Variants in ZIM3 observed in about 807,000 individuals in gnomAD.
The protein encoded by ZIM3 is zinc finger imprinted 3.
ZIM3 carries 11 observed loss-of-function variants against 12.9 expected under a neutral mutation model. The observed-to-expected ratio is 0.85, with a 90% CI of 0.54 to 1.41. The LOEUF (loss-of-function observed/expected upper bound fraction) is 1.41, where lower values mean the gene tolerates loss of function less well. Ranked by LOEUF, ZIM3 falls within the 40% of genes most tolerant of loss-of-function variation. The probability of loss-of-function intolerance (pLI) is 0.00; values close to 1 mark genes in which losing one functional copy is unlikely to be tolerated. For missense variants in ZIM3, 604 were observed against 557.2 expected, an observed-to-expected ratio of 1.08 and a Z score of -0.85; for synonymous variants, 205 against 198.5, an observed-to-expected ratio of 1.03 and a Z score of -0.28.
Position 57,135,483 on chromosome 19 carries a change from T to C in ZIM3, c.854A>G (p.Glu285Gly). 6.2e-7 allele frequency: 1 copy of C among 1,614,160 alleles called. No homozygotes were observed. The highest frequency in any genetic ancestry group is 8.5e-7 in the Non-Finnish European group (1 of 1,180,028). Residue 285 changes from glutamate (E) to glycine (G), a missense_variant, in exon 5 of 5, where the codon GAG becomes GGG. Glu to Gly is a moderately conservative substitution (Grantham distance 98). Coordinates refer to ENST00000269834, the MANE Select transcript of ZIM3 (RefSeq NM_052882.1). ...AKKSYQCNECEKSFRQNSTLI... is the reference protein window; with the variant it reads ...AKKSYQCNECGKSFRQNSTLI... ...GGTTGAGTTCTGCCTGAAGGATTTC[T>C]CACATTCATTACACTGATAGGATTT...
chr19:57,143,469 A>G (rs1464321410), intron 1 of ZIM3, among the ~76,000 whole-genome samples: 1 of 152,110 alleles, frequency 6.6e-6, no homozygotes, highest in Non-Finnish European at 1.5e-5. Flanking sequence ...GAAACCATGA[A>G]TCCTGAAGCA....
intron 2 of ZIM3, among the ~76,000 whole-genome samples, 200 bp downstream of exon 2, chr19:57,142,429 C>T (rs2086917743): frequency 6.6e-6 from 1 of 151,980 alleles, no homozygotes; most frequent in South Asian, 2.1e-4. Flanking sequence ...GTGTGAGCCA[C>T]CATGCCCAGC....
intron 3 of ZIM3, among the ~76,000 whole-genome samples, chr19:57,137,614 A>G (rs1341326406): frequency 1.3e-5 from 2 of 151,676 alleles, no homozygotes; most frequent in Non-Finnish European, 2.9e-5. Flanking sequence ...TCGGGAGGCT[A>G]AGGCAGGAAA....
intron 4 of ZIM3, 81 bp from the exon 5 acceptor site, chr19:57,136,176 G>T (rs1452161437): frequency 5.3e-6 from 7 of 1,310,956 alleles, no homozygotes; most frequent in Non-Finnish European, 7.4e-6. Flanking sequence ...ACAATCTATT[G>T]TGGTGATTAT....
chr19:57,138,250 G>A (rs1244592946), intron 3 of ZIM3, among the ~76,000 whole-genome samples: 2 of 152,206 alleles, frequency 1.3e-5, no homozygotes, highest in African/African-American at 2.4e-5. Context: ...AAAACTTACA[G>A]AGGCCCTCAC....
At chr19:57,137,690 G>A (rs1425149572) in intron 3 of ZIM3, among the ~76,000 whole-genome samples, 1 of 147,320 alleles carries the variant, frequency 6.8e-6, no homozygotes, top group African/African-American at 2.7e-5. Flanking sequence ...TCCAGCCTGG[G>A]TGACAGAGCG....
intron 1 of ZIM3, among the ~76,000 whole-genome samples, chr19:57,143,383 C>CT (rs2086923778): frequency 6.6e-6 from 1 of 151,636 alleles, no homozygotes; most frequent in Non-Finnish European, 1.5e-5. Flanking sequence ...TCAACAGCAC[C>CT]TTTAAAACAA....
intron 2 of ZIM3, among the ~76,000 whole-genome samples, chr19:57,140,388 T>C (rs980058773): frequency 2.0e-5 from 3 of 152,016 alleles, no homozygotes; most frequent in African/African-American, 7.2e-5. Context: ...GTTGGCCAGG[T>C]TGGTCTCAAA....
rs118061825 is a variant in ZIM3, at chr19:57,144,659, C to T, written c.-43+200G>A. ...AGTAATGCTAAGGACTGGAGGGCCACGAAAATAATTTTGAGTGTCCTGGGA... is the reference window on the plus strand; with the variant it reads ...AGTAATGCTAAGGACTGGAGGGCCATGAAAATAATTTTGAGTGTCCTGGGA... On this transcript the variant is annotated intron_variant, in intron 1 of 4. Coordinates refer to ENST00000269834, the MANE Select transcript of ZIM3 (RefSeq NM_052882.1). Among the ~76,000 whole-genome samples, 1,440 of 151,572 alleles carry T rather than the reference C, an allele frequency of 9.5e-3. 11 individuals are homozygous for T. Among genetic ancestry groups the T allele is most frequent in the South Asian group, 0.016 (79 of 4,794 alleles).
At chr19:57,137,489 G>A (rs374059858) in intron 3 of ZIM3, among the ~76,000 whole-genome samples, 18 of 151,926 alleles carry the variant, frequency 1.2e-4, no homozygotes, top group Non-Finnish European at 2.2e-4. Flanking sequence ...GAGGCGGGCC[G>A]GTTATCTGAG....
chr19:57,135,795 C>G lies in ZIM3; in HGVS notation c.542G>C (p.Arg181Pro). 6.2e-7 allele frequency: 1 copy of G among 1,614,010 alleles called. No individual in the cohort carries two copies. The highest frequency in any genetic ancestry group is 1.1e-5 in the South Asian group (1 of 91,074). Residue 181 changes from arginine to proline, a missense_variant, in exon 5 of 5, where the codon CGC becomes CCC. Transcript: ENST00000269834. ...ATGCCTCCTCAGGTGACTTTGAAGG[C>G]GTGACTTTGAACTGAATAACTTTCT... ...ACRKLFSSKS[R>P]LQSHLRRHAC...
intron 1 of ZIM3, among the ~76,000 whole-genome samples, chr19:57,144,094 C>T (rs2086926916): frequency 6.6e-6 from 1 of 152,038 alleles, no homozygotes; most frequent in African/African-American, 2.4e-5. Flanking sequence ...TTCTGTCACC[C>T]AGGCTGGAGT....
At chr19:57,139,925 C>A (rs1234803021) in intron 2 of ZIM3, among the ~76,000 whole-genome samples, 1 of 152,142 alleles carries the variant, frequency 6.6e-6, no homozygotes. Flanking sequence ...GTCTACCACA[C>A]TCCCACTCAC....
At position 57,135,399 on chromosome 19, in the gene ZIM3, C is replaced by T. The variant is rs150335433; in HGVS notation, c.938G>A (p.Gly313Glu). Reference protein sequence around the residue: ...GQKPFQCTDCGKAFIYKSDLV... With the variant: ...GQKPFQCTDCEKAFIYKSDLV... ...ATCTGACTTGTAAATGAAAGCCTTT[C>T]CACAGTCCGTACATTGAAAGGGTTT... Residue 313 changes from glycine to glutamate, a missense_variant, in exon 5 of 5, where the codon GGA (glycine) becomes GAA (glutamate). By Grantham distance (98) the Gly-to-Glu change is moderately conservative. Transcript: ENST00000269834. 3.7e-3 allele frequency: 5,921 copies of T among 1,614,044 alleles called. 15 individuals carry two copies. The highest frequency in any genetic ancestry group is 4.3e-3 in the Non-Finnish European group (5,116 of 1,179,978).
At chr19:57,143,032 A>G (rs943038301) in intron 1 of ZIM3, among the ~76,000 whole-genome samples, 3 of 152,084 alleles carry the variant, frequency 2.0e-5, no homozygotes, top group African/African-American at 4.8e-5. Flanking sequence ...CGTCTCTACT[A>G]AAAATACAAA....
intron 3 of ZIM3, among the ~76,000 whole-genome samples, chr19:57,138,112 CAGGGAGGGAGGGAGGG>C (rs144869981): frequency 1.6e-4 from 2 of 12,580 alleles, no homozygotes; most frequent in Non-Finnish European, 3.5e-4. Context: ...GGGAAGGAGG[CAGGGAGGGAGGGAGGG>C]AGGGAGGGAG....
At chr19:57,137,193 GC>G (rs2086890921) in intron 3 of ZIM3, among the ~76,000 whole-genome samples, 1 of 152,138 alleles carries the variant, frequency 6.6e-6, no homozygotes, top group South Asian at 2.1e-4. Context: ...AACAAAGAAT[GC>G]TTTTTCTGGG....
At chr19:57,138,718 T>A in intron 2 of ZIM3, 120 bp from the exon 3 acceptor site, 1 of 1,308,070 alleles carries the variant, frequency 7.6e-7, no homozygotes, top group Non-Finnish European at 1.1e-6. Context: ...CTACTCTGGA[T>A]GAAAATAAAT....
chr19:57,144,951 T>C lies in ZIM3; in HGVS notation c.-135A>G, dbSNP rs1396841029. 2.0e-5 allele frequency: 3 copies of C among 152,208 alleles called. No homozygotes were observed. Among genetic ancestry groups the C allele is most frequent in the Admixed American group, 6.5e-5 (1 of 15,280 alleles). The allele number at this position is 152,208 out of a possible 1,614,324, so 9.4% of individuals were successfully genotyped here. On this transcript the variant is annotated 5_prime_UTR_variant, in exon 1 of 5. It adds an upstream start codon to the 5' untranslated region. Coordinates refer to ENST00000269834, the MANE Select transcript of ZIM3 (RefSeq NM_052882.1). Reference sequence around the variant, plus strand: ...AAGGGACTGAAAATGAAAAGGCGTGTATACTGAAAAGCTACACTAATGACT... The same window carrying C: ...AAGGGACTGAAAATGAAAAGGCGTGCATACTGAAAAGCTACACTAATGACT...
Sources: gnomAD v4.1 joint callset for allele counts (sites outside exome capture counted in the v4.1 genomes callset) on GRCh38, gnomAD v4.1.1 for gene constraint, MANE v1.5 for transcripts, NCBI Gene and HGNC (gene_info 2026-07-23, HGNC 2026-07-21) for gene names.